PRR16: variants seen among roughly 807,000 people sequenced by gnomAD.
PRR16 encodes the protein proline rich 16.
A neutral mutation model predicts 18.2 loss-of-function variants in PRR16; 6 were observed. The ratio of observed to expected loss-of-function variants is 0.33; its 90% CI spans 0.18 to 0.65. PRR16 has a LOEUF of 0.65. Among genes scored for constraint, PRR16 ranks in the 30% least tolerant of loss-of-function variants. The pLI is 0.74. For synonymous variants in PRR16, 151 were observed against 147.8 expected, an observed-to-expected ratio of 1.02 and a Z score of -0.16; for missense variants, 412 against 376.6, an observed-to-expected ratio of 1.09 and a Z score of -0.78.
the PRR16 span, among the ~76,000 whole-genome samples, chr5:120,780,816 C>T: frequency 6.6e-6 from 1 of 152,066 alleles, no homozygotes; most frequent in Admixed American, 6.5e-5. Context: ...TCTGGGAGGC[C>T]GAGGCGGGGG....
chr5:120,724,825 A>G, the PRR16 span, among the ~76,000 whole-genome samples: 3 of 152,198 alleles, frequency 2.0e-5, no homozygotes, highest in East Asian at 5.8e-4. Flanking sequence ...GGAAGAGTCT[A>G]CCACATACCA....
chr5:120,671,264 G>T (rs1473059717), intron 1 of PRR16, among the ~76,000 whole-genome samples: 5 of 151,958 alleles, frequency 3.3e-5, no homozygotes, highest in Non-Finnish European at 5.9e-5. Context: ...TTCTCTCAAA[G>T]ATCAGATATC....
At chr5:120,641,870 G>C (rs1368220171) in intron 1 of PRR16, among the ~76,000 whole-genome samples, 1 of 152,014 alleles carries the variant, frequency 6.6e-6, no homozygotes, top group African/African-American at 2.4e-5. Flanking sequence ...ATGTCCTTAG[G>C]ACTTCAAATC....
the PRR16 span, among the ~76,000 whole-genome samples, chr5:120,705,645 C>T: frequency 1.3e-5 from 2 of 151,954 alleles, no homozygotes; most frequent in Non-Finnish European, 2.9e-5. Context: ...CAATAAAAGT[C>T]ATTTTCTGAC....
At chr5:120,665,525 C>A (rs1467205241) in intron 1 of PRR16, among the ~76,000 whole-genome samples, 8 of 152,120 alleles carry the variant, frequency 5.3e-5, no homozygotes, top group Non-Finnish European at 1.2e-4. Context: ...GACATGAAGT[C>A]CTTGCCCATG....
the PRR16 span, among the ~76,000 whole-genome samples, chr5:120,769,323 A>T: frequency 1.3e-5 from 2 of 151,796 alleles, no homozygotes; most frequent in African/African-American, 2.4e-5. Context: ...CACATGCCAA[A>T]GTTTTCTTGT....
chr5:120,716,597 T>C, the PRR16 span, among the ~76,000 whole-genome samples: 2,519 of 152,186 alleles, frequency 0.017, 72 homozygotes, highest in African/African-American at 0.058. Flanking sequence ...TCCTTGGGGC[T>C]GGGCATGGTG....
chr5:120,721,207 A>C, the PRR16 span, among the ~76,000 whole-genome samples: 1 of 152,074 alleles, frequency 6.6e-6, no homozygotes, highest in Non-Finnish European at 1.5e-5. Flanking sequence ...TTCTAAGAAC[A>C]TAGAGATGTA....
chr5:120,672,399 T>C (rs72798423), intron 1 of PRR16, among the ~76,000 whole-genome samples: 6 of 151,880 alleles, frequency 4.0e-5, no homozygotes, highest in East Asian at 1.9e-4. Context: ...GGAGTGAGGA[T>C]GGGTGGCACA....
chr5:120,528,691 T>A (rs970667052), intron 1 of PRR16, among the ~76,000 whole-genome samples: 32 of 152,032 alleles, frequency 2.1e-4, no homozygotes, highest in African/African-American at 5.8e-4. Context: ...CCAGAGGTGA[T>A]TTATGGAAAG....
At chr5:120,744,333 G>A in the PRR16 span, among the ~76,000 whole-genome samples, 20 of 152,292 alleles carry the variant, frequency 1.3e-4, no homozygotes, top group African/African-American at 3.6e-4. Flanking sequence ...GACCCTTTAC[G>A]TTTGAAAGTG....
At chr5:120,508,440 T>G (rs1232875450) in intron 1 of PRR16, among the ~76,000 whole-genome samples, 1 of 152,166 alleles carries the variant, frequency 6.6e-6, no homozygotes, top group Admixed American at 6.6e-5. Context: ...GTGTGGAGTC[T>G]GATGACAATT....
chr5:120,612,075 T>C (rs1754354528), intron 1 of PRR16, among the ~76,000 whole-genome samples: 1 of 152,200 alleles, frequency 6.6e-6, no homozygotes, highest in Non-Finnish European at 1.5e-5. Flanking sequence ...TTTGCTCCGC[T>C]GGATTTCAAA....
intron 1 of PRR16, among the ~76,000 whole-genome samples, chr5:120,505,172 A>G (rs892602882): frequency 6.6e-6 from 1 of 152,204 alleles, no homozygotes; most frequent in African/African-American, 2.4e-5. Flanking sequence ...GACTAGTGGA[A>G]ATGAGTTGCA....
At chr5:120,676,083 T>G (rs1756784759) in intron 1 of PRR16, among the ~76,000 whole-genome samples, 1 of 152,172 alleles carries the variant, frequency 6.6e-6, no homozygotes, top group Non-Finnish European at 1.5e-5. Flanking sequence ...TCTGACAGTA[T>G]GATTAGATAT....
intron 1 of PRR16, among the ~76,000 whole-genome samples, chr5:120,623,114 G>A (rs1207129314): frequency 1.3e-5 from 2 of 151,874 alleles, no homozygotes; most frequent in Non-Finnish European, 2.9e-5. Flanking sequence ...ACTTGAAAAT[G>A]TACTGTTACT....
chr5:120,634,013 T>C (rs1755146855), intron 1 of PRR16, among the ~76,000 whole-genome samples: 1 of 152,086 alleles, frequency 6.6e-6, no homozygotes, highest in Non-Finnish European at 1.5e-5. Context: ...ACATGGAACA[T>C]TCTCTAAGAT....
intron 1 of PRR16, among the ~76,000 whole-genome samples, chr5:120,609,917 C>T (rs1754280888): frequency 6.6e-6 from 1 of 152,162 alleles, no homozygotes; most frequent in Non-Finnish European, 1.5e-5. Flanking sequence ...TCTCAGGCAC[C>T]TCCTGAAGTG....
At chr5:120,712,551 A>G in the PRR16 span, among the ~76,000 whole-genome samples, 3 of 152,192 alleles carry the variant, frequency 2.0e-5, no homozygotes, top group African/African-American at 7.2e-5. Context: ...TGTGAACTAT[A>G]TACCTGATAA....
Sources: allele counts gnomAD v4.1 joint callset (sites outside exome capture counted in the v4.1 genomes callset), GRCh38; gene constraint gnomAD v4.1.1; transcripts MANE v1.5; gene names NCBI Gene and HGNC (gene_info 2026-07-23, HGNC 2026-07-21).